The following DDHD1 variants were observed in gnomAD, a reference collection of about 807,000 sequenced individuals.
DDHD1 encodes phospholipase DDHD1.
A neutral mutation model predicts 96.4 loss-of-function variants in DDHD1; 49 were observed. The ratio of observed to expected loss-of-function variants is 0.51; its 90% CI spans 0.40 to 0.64. The LOEUF (loss-of-function observed/expected upper bound fraction) is 0.64. DDHD1 is among the 30% of genes least tolerant of loss of function. The probability of loss-of-function intolerance (pLI) is 0.00; values close to 1 mark genes in which losing one functional copy is unlikely to be tolerated. For synonymous variants in DDHD1, 442 were observed against 446.5 expected, an observed-to-expected ratio of 0.99 and a Z score of 0.13; for missense variants, 1,106 against 1,161.2, an observed-to-expected ratio of 0.95 and a Z score of 0.69.
chr14:53,063,267 T>A, intron 6 of DDHD1, 62 bp from the exon 7 acceptor site: 1 of 1,522,666 alleles, frequency 6.6e-7, no homozygotes. Context: ...ACACTTATTC[T>A]AAACTCAAAT....
At position 53,152,644 on chromosome 14, in the gene DDHD1, G is replaced by T; in HGVS notation, c.455C>A (p.Ala152Glu). The change falls in exon 1 of 13, where the codon GCG (alanine) becomes GAG (glutamate). Residue 152 changes from alanine to glutamate, a missense_variant. By Grantham distance (107) the Ala-to-Glu change is moderately radical. Coordinates refer to ENST00000673822, the MANE Select transcript of DDHD1 (RefSeq NM_001160148.2). ...CACTACCTCATAGCGGTGCCGGGCC[G>T]CCGGGCCGCCAAGCCGGGTACGTTT... is the stretch of plus-strand genomic sequence containing the variant. ...ERKRTRLGGPAARHRYEVVTE... is the reference protein window; with the variant it reads ...ERKRTRLGGPEARHRYEVVTE... 1 of 1,613,028 alleles carries T rather than the reference G, an allele frequency of 6.2e-7. No individual in the cohort carries two copies. Among genetic ancestry groups the T allele is most frequent in the Non-Finnish European group, 8.5e-7 (1 of 1,179,870 alleles).
At chr14:53,068,301 T>C (rs1435543676) in intron 6 of DDHD1, among the ~76,000 whole-genome samples, 2 of 146,384 alleles carry the variant, frequency 1.4e-5, no homozygotes, top group African/African-American at 2.6e-5. Context: ...TGGAGTACAG[T>C]GGTGTGAGAA....
intron 1 of DDHD1, among the ~76,000 whole-genome samples, chr14:53,148,554 C>A (rs1036219025): frequency 5.3e-5 from 8 of 151,878 alleles, no homozygotes; most frequent in African/African-American, 1.7e-4. Flanking sequence ...CTCAGGTGAT[C>A]CACCCACCTC....
At chr14:53,075,946 A>C (rs981285389) in intron 4 of DDHD1, among the ~76,000 whole-genome samples, 3 of 152,126 alleles carry the variant, frequency 2.0e-5, no homozygotes, top group African/African-American at 7.2e-5. Context: ...AGAAAAAAAA[A>C]CGATTCCTTT....
chr14:53,153,001 G>A lies in DDHD1; in HGVS notation c.98C>T (p.Ala33Val), dbSNP rs746372224. 2.6e-6 allele frequency: 4 copies of A among 1,541,538 alleles called. No homozygotes were observed. Among genetic ancestry groups the A allele is most frequent in the East Asian group, 5.1e-5 (2 of 39,442 alleles). The change falls in exon 1 of 13, where the codon GCG becomes GTG. Residue 33 changes from alanine (A) to valine (V), a missense_variant. Ala to Val is a moderately conservative substitution (Grantham distance 64). Transcript: ENST00000673822. ...GAAGCAGCAGACGCCGCCGCCGAAC[G>A]CTGGCCTCGCGTCTGAGCCCAGCTC... ...AWELGSDARP[A>V]FGGGVCCFEH... is the part of the protein sequence containing the mutation.
chr14:53,068,844 C>G (rs1240364333), intron 6 of DDHD1, among the ~76,000 whole-genome samples: 2 of 152,106 alleles, frequency 1.3e-5, no homozygotes, highest in African/African-American at 4.8e-5. Context: ...CAAAATACTG[C>G]CTTCAATTTA....
In DDHD1 at chr14:53,130,726, G is replaced by A. The variant is rs114612062; in HGVS notation, c.838+21535C>T. ...GAATGCCCGCAGCCCGGGATTCCTCGTAAGCTGTTGTCCCATCTGTGTGGG... is the reference window on the plus strand; with the variant it reads ...GAATGCCCGCAGCCCGGGATTCCTCATAAGCTGTTGTCCCATCTGTGTGGG... On this transcript the variant is annotated intron_variant, in intron 1 of 12. Transcript: ENST00000673822. Among the ~76,000 whole-genome samples the A allele has an allele frequency of 5.8e-3, 877 of 152,306 alleles. 6 individuals are homozygous for A. Among genetic ancestry groups the A allele is most frequent in the African/African-American group, 0.02 (839 of 41,552 alleles).
intron 1 of DDHD1, among the ~76,000 whole-genome samples, chr14:53,127,498 G>A (rs74051112): frequency 0.077 from 11,708 of 152,164 alleles, 1,179 homozygotes; most frequent in African/African-American, 0.23. Context: ...CCAAATTATG[G>A]CATTATTTTA....
chr14:53,047,207 T>A (rs1167129668), intron 12 of DDHD1, among the ~76,000 whole-genome samples: 3 of 152,168 alleles, frequency 2.0e-5, no homozygotes, highest in African/African-American at 7.2e-5. Context: ...AAAAATCACT[T>A]GGCATATCAC....
intron 4 of DDHD1, among the ~76,000 whole-genome samples, chr14:53,083,894 C>T (rs1173360051): frequency 6.6e-6 from 1 of 152,058 alleles, no homozygotes; most frequent in Non-Finnish European, 1.5e-5. Context: ...TAGCAATGCT[C>T]CTTGTAGTGG....
intron 4 of DDHD1, among the ~76,000 whole-genome samples, chr14:53,074,207 C>T (rs1421445377): frequency 6.6e-6 from 1 of 151,840 alleles, no homozygotes; most frequent in South Asian, 2.1e-4. Flanking sequence ...CTATTGCTCT[C>T]TTCATCCTTT....
chr14:53,086,738 A>T (rs959155619), intron 4 of DDHD1, among the ~76,000 whole-genome samples: 5 of 152,204 alleles, frequency 3.3e-5, no homozygotes, highest in Non-Finnish European at 5.9e-5. Context: ...AAGAAACTGC[A>T]GCAATTAATG....
intron 1 of DDHD1, among the ~76,000 whole-genome samples, chr14:53,139,077 A>C (rs1185848545): frequency 2.6e-5 from 1 of 37,768 alleles, no homozygotes; most frequent in East Asian, 2.7e-3. Flanking sequence ...ATAGGAGAGA[A>C]AAAAAAAAAA....
At chr14:53,123,289 G>A (rs1889154339) in intron 1 of DDHD1, among the ~76,000 whole-genome samples, 1 of 151,810 alleles carries the variant, frequency 6.6e-6, no homozygotes, top group African/African-American at 2.4e-5. Context: ...TGGAATTACA[G>A]GTGTTGTGCA....
rs1189602440 is a variant in DDHD1, at chr14:53,087,657, A to T, written c.1289+4128T>A. The stretch of plus-strand genomic sequence containing the variant: ...TACCAGAATCTCTGGGACACATTTA[A>T]AGCAGTGTATAGAGGAAAATATATA... On this transcript the variant is annotated intron_variant, in intron 4 of 12. Transcript: ENST00000673822. Among the ~76,000 whole-genome samples the T allele has an allele frequency of 3.3e-5, 5 of 152,226 alleles. No homozygotes were observed. The East Asian group carries it at 7.7e-4, about 23-fold the overall frequency.
chr14:53,152,398 G>A lies in DDHD1; in HGVS notation c.701C>T (p.Ala234Val). ...SSGEDDDEDR[A>V]CGFCQSTTGH... ...CGTCGTACTCTGGCAGAAGCCGCAG[G>A]CGCGGTCCTCATCGTCATCTTCTCC... The change falls in exon 1 of 13, where the codon GCC (alanine) becomes GTC (valine). Residue 234 changes from alanine (A) to valine (V), a missense_variant. By Grantham distance (64) the Ala-to-Val change is moderately conservative. Coordinates refer to ENST00000673822, the MANE Select transcript of DDHD1 (RefSeq NM_001160148.2). 1 of 1,613,920 alleles carries A rather than the reference G, an allele frequency of 6.2e-7. No homozygotes were observed. The highest frequency in any genetic ancestry group is 8.5e-7 in the Non-Finnish European group (1 of 1,179,972).
intron 12 of DDHD1, among the ~76,000 whole-genome samples, chr14:53,047,371 C>T (rs953925859): frequency 2.0e-5 from 3 of 152,180 alleles, no homozygotes; most frequent in Non-Finnish European, 4.4e-5. Flanking sequence ...AGAGATCATT[C>T]AATCTCCTCC....
rs1890995227 is a variant in DDHD1 at position 53,146,511 on chromosome 14, A to AT, written c.838+5749dup. Among the ~76,000 whole-genome samples the AT allele has an allele frequency of 3.9e-5, 6 of 151,972 alleles. No homozygotes were observed. The South Asian group carries it at 1.0e-3, about 26-fold the overall frequency. ...AGAGCATCTCAAAAAAAAAAAAAAA[A>AT]TTAATGAATGTATAATTCAATCTTG... On this transcript the variant is annotated intron_variant, in intron 1 of 12. Transcript: ENST00000673822.
At chr14:53,072,829 C>G in intron 5 of DDHD1, 126 bp from the exon 6 acceptor site, 1 of 504,236 alleles carries the variant, frequency 2.0e-6, no homozygotes, top group Non-Finnish European at 3.5e-6. Context: ...TATTCAAGAC[C>G]AGCTTTGGCT....
Sources: gnomAD v4.1 joint callset for allele counts (sites outside exome capture counted in the v4.1 genomes callset) on GRCh38, gnomAD v4.1.1 for gene constraint, MANE v1.5 for transcripts, NCBI Gene and HGNC (gene_info 2026-07-23, HGNC 2026-07-21) for gene names.